GNAI1: variants seen among roughly 807,000 people sequenced by gnomAD.
GNAI1 encodes G protein subunit alpha i1, also known as guanine nucleotide-binding protein G(i) subunit alpha-1.
A neutral mutation model predicts 38.9 loss-of-function variants in GNAI1; 11 were observed. The ratio of observed to expected loss-of-function variants is 0.28; its 90% CI spans 0.18 to 0.47. The LOEUF is 0.47. GNAI1 is among the 20% of genes least tolerant of loss of function. GNAI1 has a pLI of 0.99. For missense variants in GNAI1, 317 were observed against 436.9 expected, an observed-to-expected ratio of 0.73 and a Z score of 2.45; for synonymous variants, 166 against 145.1, an observed-to-expected ratio of 1.14 and a Z score of -1.04.
At chr7:80,165,450 A>C (rs1787997758) in intron 1 of GNAI1, among the ~76,000 whole-genome samples, 2 of 152,180 alleles carry the variant, frequency 1.3e-5, no homozygotes, top group South Asian at 4.1e-4. Context: ...AGTTTAATAT[A>C]CTATCCTAGT....
chr7:80,199,113 A>G, intron 3 of GNAI1, 112 bp from the exon 4 acceptor site: 1 of 741,690 alleles, frequency 1.3e-6, no homozygotes, highest in Non-Finnish European at 2.1e-6. Context: ...GTTAATAAAA[A>G]CAAAGGAAGT....
Position 80,135,152 on chromosome 7 carries a change from T to C in GNAI1, c.-9T>C. On this transcript the variant is annotated 5_prime_UTR_variant, in exon 1 of 8. Coordinates refer to ENST00000649796, the MANE Select transcript of GNAI1 (RefSeq NM_002069.6). Reference sequence around the variant, plus strand: ...GAGGGAGCGGCGGCAGGCTCTCGCTTTCGGCACCATGGGCTGCACGCTGAG... The same window carrying C: ...GAGGGAGCGGCGGCAGGCTCTCGCTCTCGGCACCATGGGCTGCACGCTGAG... 1 of 1,494,188 alleles carries C rather than the reference T, an allele frequency of 6.7e-7. No individual in the cohort carries two copies. Among genetic ancestry groups the C allele is most frequent in the South Asian group, 1.3e-5 (1 of 74,366 alleles). 92.6% of individuals were successfully genotyped at this position (1,494,188 alleles called of 1,614,324 possible). A position where few individuals can be genotyped will look rare whatever the true frequency, so the allele number is the denominator to read the frequency against.
intron 3 of GNAI1, among the ~76,000 whole-genome samples, chr7:80,194,507 C>T (rs1003540575): frequency 6.6e-6 from 1 of 152,104 alleles, no homozygotes; most frequent in African/African-American, 2.4e-5. Flanking sequence ...TGTAGAACAT[C>T]CTCTCTCAAC....
intron 1 of GNAI1, among the ~76,000 whole-genome samples, chr7:80,181,230 ACTT>A (rs1226662622): frequency 1.3e-5 from 2 of 152,142 alleles, no homozygotes; most frequent in Middle Eastern, 3.2e-3. Context: ...AACACATGAC[ACTT>A]CTTCTTTGAC....
In GNAI1 at chr7:80,200,543, G is replaced by A. The variant is rs552539335; in HGVS notation, c.461+1161G>A. 5.8e-4 allele frequency among the ~76,000 whole-genome samples: 88 copies of A among 152,172 alleles called. 1 individual carries two copies. In the Middle Eastern group the frequency reaches 0.014, roughly 24 times the overall value. Reference sequence around the variant, plus strand: ...AGCTGTTGGCTGTTAGGGACACAAGGATTAGATAGATGACAAATTTTGAAA... The same window carrying A: ...AGCTGTTGGCTGTTAGGGACACAAGAATTAGATAGATGACAAATTTTGAAA... On this transcript the variant is annotated intron_variant, in intron 4 of 7. Coordinates refer to ENST00000649796, the MANE Select transcript of GNAI1 (RefSeq NM_002069.6).
In GNAI1 at chr7:80,181,318, G is replaced by C. The variant is rs559464694; in HGVS notation, c.119-7633G>C. On this transcript the variant is annotated intron_variant, in intron 1 of 7. Coordinates refer to ENST00000649796, the MANE Select transcript of GNAI1 (RefSeq NM_002069.6). ...CCCTCCAGCACAACATTTAACATTT[G>C]CTTAAGTATCTTAGGGACTTATAAA... Among the ~76,000 whole-genome samples, 5 of 152,232 alleles carry C rather than the reference G, an allele frequency of 3.3e-5. No individual in the cohort carries two copies. In the East Asian group the frequency reaches 9.7e-4, roughly 29 times the overall value.
intron 3 of GNAI1, among the ~76,000 whole-genome samples, chr7:80,190,705 T>C (rs1465582934): frequency 6.6e-6 from 1 of 152,144 alleles, no homozygotes; most frequent in East Asian, 1.9e-4. Flanking sequence ...TATAAACTTT[T>C]AATTTAAACC....
intron 1 of GNAI1, among the ~76,000 whole-genome samples, chr7:80,162,531 G>C (rs946051764): frequency 6.6e-6 from 1 of 152,150 alleles, no homozygotes; most frequent in African/African-American, 2.4e-5. Flanking sequence ...ACATCTTTAC[G>C]ATTTGGCTTT....
chr7:80,165,675 T>C (rs545334875), intron 1 of GNAI1, among the ~76,000 whole-genome samples: 19 of 152,318 alleles, frequency 1.2e-4, no homozygotes, highest in Admixed American at 5.9e-4. Flanking sequence ...TCAAGCACTT[T>C]ATTTCTAGTT....
chr7:80,206,786 C>T (rs1177408252), intron 5 of GNAI1, among the ~76,000 whole-genome samples: 1 of 151,926 alleles, frequency 6.6e-6, no homozygotes, highest in South Asian at 2.1e-4. Flanking sequence ...CATGTTTCTT[C>T]GTAGGCATAC....
chr7:80,157,372 A>G (rs967824080), intron 1 of GNAI1, among the ~76,000 whole-genome samples: 2 of 152,210 alleles, frequency 1.3e-5, no homozygotes, highest in Non-Finnish European at 2.9e-5. Context: ...AGTTTGCCCA[A>G]ATTATGGTAA....
Position 80,221,648 on chromosome 7 carries a change from T to A in GNAI1, c.*4155T>A, listed in dbSNP as rs1356063928. ...GGTTGGAAATTTTCTTTTTTTTTTT[T>A]TTTTTTTTTTTTTGGTATGGAGTCT... On this transcript the variant is annotated 3_prime_UTR_variant, in exon 8 of 8. Transcript: ENST00000649796. Among the ~76,000 whole-genome samples, 2,897 of 141,000 alleles carry A rather than the reference T, an allele frequency of 0.021. 113 individuals are homozygous for A. The highest frequency in any genetic ancestry group is 0.061 in the African/African-American group (2,331 of 37,982). The allele number at this position is 141,000 out of a possible 152,430, so 92.5% of individuals were successfully genotyped here.
In GNAI1 at chr7:80,219,503, A is replaced by T. The variant is rs902705727; in HGVS notation, c.*2010A>T. ...CTATGCTCTTTTTACAATTTCAGCT[A>T]CTCCAGAAGCTCAGATTTTCCCTGT... On this transcript the variant is annotated 3_prime_UTR_variant, in exon 8 of 8. Transcript: ENST00000649796. The T allele has an allele frequency of 2.6e-5, 4 of 152,150 alleles. No individual in the cohort carries two copies. Among genetic ancestry groups the T allele is most frequent in the African/African-American group, 9.7e-5 (4 of 41,386 alleles). 9.4% of individuals were successfully genotyped at this position (152,150 alleles called of 1,614,324 possible).
At chr7:80,144,653 T>A (rs752752661) in intron 1 of GNAI1, among the ~76,000 whole-genome samples, 2 of 152,204 alleles carry the variant, frequency 1.3e-5, no homozygotes, top group African/African-American at 2.4e-5. Flanking sequence ...ACATACATCT[T>A]ATTTGACAGC....
At chr7:80,204,197 T>C (rs558711789) in intron 5 of GNAI1, among the ~76,000 whole-genome samples, 2 of 152,272 alleles carry the variant, frequency 1.3e-5, no homozygotes, top group East Asian at 1.9e-4. Flanking sequence ...GTTTTACTGA[T>C]AGCATAAGTG....
Position 80,212,834 on chromosome 7 carries a change from A to T in GNAI1, c.839A>T (p.Lys280Met). Residue 280 changes from lysine to methionine, a missense_variant, in exon 7 of 8, where the codon AAG becomes ATG. Lys to Met is a moderately conservative substitution (Grantham distance 95). Transcript: ENST00000649796. ...GATCTCTTTGAAGAAAAAATCAAAA[A>T]GAGCCCTCTCACTATATGCTATCCA... Reference protein sequence around the residue: ...KKDLFEEKIKKSPLTICYPEY... With the variant: ...KKDLFEEKIKMSPLTICYPEY... 6.3e-7 allele frequency: 1 copy of T among 1,584,656 alleles called. No individual in the cohort carries two copies. The highest frequency in any genetic ancestry group is 8.6e-7 in the Non-Finnish European group (1 of 1,168,072).
At chr7:80,138,270 C>T (rs555159819) in intron 1 of GNAI1, among the ~76,000 whole-genome samples, 1 of 152,192 alleles carries the variant, frequency 6.6e-6, no homozygotes, top group Non-Finnish European at 1.5e-5. Context: ...ATGAGACTTG[C>T]ACACTATTAG....
chr7:80,180,366 G>A (rs1413849511), intron 1 of GNAI1, among the ~76,000 whole-genome samples: 2 of 151,820 alleles, frequency 1.3e-5, no homozygotes, highest in Non-Finnish European at 2.9e-5. Flanking sequence ...AAGTGTAAAT[G>A]TGAAGTTAGT....
intron 3 of GNAI1, among the ~76,000 whole-genome samples, chr7:80,191,279 T>A (rs1176139969): frequency 6.6e-6 from 1 of 152,116 alleles, no homozygotes; most frequent in Non-Finnish European, 1.5e-5. Context: ...AAACGTGGCC[T>A]GGACACGAGG....
Sources: gnomAD v4.1 joint callset for allele counts (sites outside exome capture counted in the v4.1 genomes callset) on GRCh38, gnomAD v4.1.1 for gene constraint, MANE v1.5 for transcripts, NCBI Gene and HGNC (gene_info 2026-07-23, HGNC 2026-07-21) for gene names.